Variants in EPHB1 observed in about 807,000 individuals in gnomAD.
EPHB1 encodes the protein ephrin type-B receptor 1.
A neutral mutation model predicts 94.4 loss-of-function variants in EPHB1; 30 were observed. The ratio of observed to expected loss-of-function variants is 0.32; its 90% confidence interval spans 0.24 to 0.43. EPHB1 has a LOEUF of 0.43. Among genes scored for constraint, EPHB1 ranks in the 20% least tolerant of loss-of-function variants. The pLI, the probability that EPHB1 is intolerant of heterozygous loss-of-function variation, is 1.00. For missense variants in EPHB1, 1,055 were observed against 1,308.3 expected (o/e 0.81, Z 2.99); for synonymous variants, 522 against 489.1 (o/e 1.07, Z -0.89).
intron 3 of EPHB1, among the ~76,000 whole-genome samples, chr3:135,021,037 G>A (rs187119849): frequency 1.4e-4 from 22 of 152,198 alleles, no homozygotes; most frequent in African/African-American, 4.6e-4. Context: ...ACAGTGCCTT[G>A]TTTATCTATG....
chr3:135,157,715 T>C (rs1280546921), intron 6 of EPHB1, among the ~76,000 whole-genome samples: 3 of 152,234 alleles, frequency 2.0e-5, no homozygotes, highest in African/African-American at 7.2e-5. Flanking sequence ...TCCATTACAT[T>C]GCTTTGACTA....
chr3:135,114,076 T>C (rs1161146587), intron 4 of EPHB1, among the ~76,000 whole-genome samples: 1 of 152,190 alleles, frequency 6.6e-6, no homozygotes, highest in Non-Finnish European at 1.5e-5. Flanking sequence ...AGTGCTTTTG[T>C]TTGTCCCCTC....
At chr3:134,948,006 T>C (rs1560310088) in intron 2 of EPHB1, among the ~76,000 whole-genome samples, 2 of 152,138 alleles carry the variant, frequency 1.3e-5, no homozygotes. Context: ...TGTCACCCAT[T>C]CTGGTCTTGA....
chr3:134,988,732 G>T (rs1372172790), intron 3 of EPHB1, among the ~76,000 whole-genome samples: 1 of 152,144 alleles, frequency 6.6e-6, no homozygotes, highest in African/African-American at 2.4e-5. Flanking sequence ...CCCAACCACA[G>T]ATTCTCTTTT....
At chr3:134,877,827 G>A (rs1201367102) in intron 1 of EPHB1, among the ~76,000 whole-genome samples, 1 of 152,156 alleles carries the variant, frequency 6.6e-6, no homozygotes, top group Non-Finnish European at 1.5e-5. Context: ...GCTGTGCCAG[G>A]CTTGTCAGTG....
At chr3:134,936,488 G>T (rs1295092660) in intron 2 of EPHB1, among the ~76,000 whole-genome samples, 1 of 152,194 alleles carries the variant, frequency 6.6e-6, no homozygotes, top group Non-Finnish European at 1.5e-5. Context: ...GAAAATTGCT[G>T]GGAAGGGCAG....
intron 3 of EPHB1, among the ~76,000 whole-genome samples, chr3:135,054,038 T>TACACAC (rs113249083): frequency 0.039 from 4,203 of 107,342 alleles, 78 homozygotes; most frequent in East Asian, 0.089. Flanking sequence ...TATATATATA[T>TACACAC]ATACACACAC....
At chr3:134,968,244 T>C (rs1450245922) in intron 3 of EPHB1, among the ~76,000 whole-genome samples, 1 of 151,842 alleles carries the variant, frequency 6.6e-6, no homozygotes, top group African/African-American at 2.4e-5. Context: ...TGAGCAAAAG[T>C]CTTGACACCT....
intron 3 of EPHB1, among the ~76,000 whole-genome samples, chr3:134,997,781 G>A (rs1935043017): frequency 6.6e-6 from 1 of 152,212 alleles, no homozygotes; most frequent in African/African-American, 2.4e-5. Flanking sequence ...AAAGCAAACA[G>A]TTTCCTGAAT....
chr3:135,222,857 A>G (rs1218554317), intron 12 of EPHB1, among the ~76,000 whole-genome samples: 2 of 152,304 alleles, frequency 1.3e-5, no homozygotes, highest in Non-Finnish European at 2.9e-5. Context: ...ATTATAATTT[A>G]CCTGTGCTGC....
intron 3 of EPHB1, among the ~76,000 whole-genome samples, chr3:135,056,469 T>C (rs1454494246): frequency 1.3e-5 from 2 of 152,238 alleles, no homozygotes; most frequent in Non-Finnish European, 2.9e-5. Flanking sequence ...CAGGCAAAGC[T>C]GATGTGATGC....
intron 12 of EPHB1, among the ~76,000 whole-genome samples, chr3:135,225,052 A>AG (rs2107721676): frequency 6.6e-6 from 1 of 152,174 alleles, no homozygotes; most frequent in Non-Finnish European, 1.5e-5. Flanking sequence ...GAGCACGTTG[A>AG]GGGGGGAAGC....
At chr3:134,796,558 C>A (rs1208755095) in intron 1 of EPHB1, among the ~76,000 whole-genome samples, 1 of 152,214 alleles carries the variant, frequency 6.6e-6, no homozygotes, top group Non-Finnish European at 1.5e-5. Context: ...CCGTGCCCGG[C>A]GCAGCGGGGA....
intron 2 of EPHB1, among the ~76,000 whole-genome samples, chr3:134,949,950 G>A (rs1932951047): frequency 6.6e-6 from 1 of 152,058 alleles, no homozygotes; most frequent in Non-Finnish European, 1.5e-5. Context: ...GACCCCTCCT[G>A]ACTCCCCTCC....
intron 3 of EPHB1, among the ~76,000 whole-genome samples, chr3:135,027,795 A>AGGG (rs1553723805): frequency 8.5e-5 from 11 of 129,578 alleles, no homozygotes; most frequent in Non-Finnish European, 1.4e-4. Context: ...TTTCAGAAGG[A>AGGG]ATGGTACCAG....
intron 3 of EPHB1, among the ~76,000 whole-genome samples, chr3:135,048,259 CTTTTTTTTTTT>C (rs34135757): frequency 7.2e-5 from 4 of 55,206 alleles, no homozygotes; most frequent in Non-Finnish European, 9.7e-5. Context: ...TTTCTTTTTT[CTTTTTTTTTTT>C]TTTTTTTTTT....
intron 1 of EPHB1, among the ~76,000 whole-genome samples, chr3:134,873,196 G>A (rs576383808): frequency 2.8e-4 from 42 of 152,324 alleles, no homozygotes; most frequent in Non-Finnish European, 2.5e-4. Flanking sequence ...GAGAGCAAGA[G>A]CGAGAGGTTA....
At chr3:134,999,849 A>T (rs549487156) in intron 3 of EPHB1, among the ~76,000 whole-genome samples, 5 of 152,318 alleles carry the variant, frequency 3.3e-5, no homozygotes, top group African/African-American at 1.2e-4. Context: ...GAAAGCTTTT[A>T]AAAGTGGCCT....
intron 15 of EPHB1, among the ~76,000 whole-genome samples, chr3:135,258,203 G>C (rs1330350931): frequency 6.6e-6 from 1 of 152,182 alleles, no homozygotes; most frequent in Non-Finnish European, 1.5e-5. Context: ...GACTGGAGCT[G>C]TTCCTATTCG....
Sources: gnomAD v4.1 joint callset for allele counts (sites outside exome capture counted in the v4.1 genomes callset) on GRCh38, gnomAD v4.1.1 for gene constraint, MANE v1.5 for transcripts, NCBI Gene and HGNC (gene_info 2026-07-23, HGNC 2026-07-21) for gene names.